Variants in ARID1B observed in about 807,000 individuals in gnomAD.
The protein encoded by ARID1B is AT-rich interactive domain-containing protein 1B.
A neutral mutation model predicts 212.3 loss-of-function variants in ARID1B; 30 were observed. The observed-to-expected ratio is 0.14, with a 90% CI of 0.11 to 0.19. The LOEUF (loss-of-function observed/expected upper bound fraction) is 0.19. Ranked by LOEUF, ARID1B falls within the 10% of genes least tolerant of loss-of-function variation. The pLI is 1.00. For synonymous variants in ARID1B, 1,402 were observed against 1,301.7 expected, an observed-to-expected ratio of 1.08 and a Z score of -1.66; for missense variants, 2,891 against 3,204.0, an observed-to-expected ratio of 0.90 and a Z score of 2.36.
At chr6:157,079,966 G>C (rs1012605410) in intron 4 of ARID1B, among the ~76,000 whole-genome samples, 3 of 152,184 alleles carry the variant, frequency 2.0e-5, no homozygotes, top group African/African-American at 7.2e-5. Flanking sequence ...GAAGACCACT[G>C]AACTGGCGTT....
chr6:157,204,489 G>GGA (rs1794315725), intron 19 of ARID1B: 1 of 152,982 alleles, frequency 6.5e-6, no homozygotes, highest in Non-Finnish European at 1.5e-5. Context: ...ATATATAGAA[G>GGA]GAGAGAGAGC....
intron 2 of ARID1B, among the ~76,000 whole-genome samples, chr6:156,876,737 G>A (rs1472671126): frequency 6.6e-6 from 1 of 152,158 alleles, no homozygotes; most frequent in East Asian, 1.9e-4. Flanking sequence ...TCACTGGCGT[G>A]GGCAGTTGCT....
intron 2 of ARID1B, among the ~76,000 whole-genome samples, chr6:156,898,026 A>G (rs1788625354): frequency 6.6e-6 from 1 of 152,140 alleles, no homozygotes; most frequent in Non-Finnish European, 1.5e-5. Context: ...GTGTTTCACT[A>G]CATAACTAAA....
intron 4 of ARID1B, among the ~76,000 whole-genome samples, chr6:156,976,068 G>A (rs549077608): frequency 6.6e-5 from 10 of 152,164 alleles, no homozygotes; most frequent in South Asian, 2.1e-4. Flanking sequence ...GTACATAAGC[G>A]CAAGGGCTGG....
chr6:156,967,608 C>G (rs1353634850), intron 4 of ARID1B, among the ~76,000 whole-genome samples: 3 of 151,986 alleles, frequency 2.0e-5, no homozygotes, highest in Non-Finnish European at 4.4e-5. Context: ...ATTAATTTGC[C>G]CTATATATTC....
intron 4 of ARID1B, among the ~76,000 whole-genome samples, chr6:157,050,867 T>G (rs142316230): frequency 1.3e-3 from 203 of 152,324 alleles, no homozygotes; most frequent in African/African-American, 4.8e-3. Context: ...TGTTACACAT[T>G]AAATATTTCC....
chr6:156,959,717 A>AAT (rs749540377), intron 4 of ARID1B, among the ~76,000 whole-genome samples: 2 of 152,016 alleles, frequency 1.3e-5, no homozygotes, highest in African/African-American at 4.8e-5. Context: ...GTCCTTTTTA[A>AAT]ATATATGACC....
chr6:157,030,136 C>G (rs1468715748), intron 4 of ARID1B, among the ~76,000 whole-genome samples: 2 of 152,142 alleles, frequency 1.3e-5, no homozygotes, highest in African/African-American at 2.4e-5. Context: ...TGGGCTTGTT[C>G]CTTCTACTTC....
intron 4 of ARID1B, chr6:156,942,900 ACT>A (rs1792785660): frequency 6.6e-6 from 1 of 152,196 alleles, no homozygotes; most frequent in South Asian, 2.1e-4. Context: ...TTCGCAGGTA[ACT>A]CTGAAGGCAC....
At position 157,148,514 on chromosome 6, in the gene ARID1B, G is replaced by T. The variant is rs574599353; in HGVS notation, c.2762-110G>T. ...GCAGCAACAGGAAGGGCCTATAACG[G>T]TCATGACTAATACTCCGTGCTGATC... is the stretch of plus-strand genomic sequence containing the variant. On this transcript the variant is annotated intron_variant, in intron 7 of 19. Coordinates refer to ENST00000636930, the MANE Select transcript of ARID1B (RefSeq NM_001374828.1). The surrounding 1 kb of genome is among the most constrained non-coding windows in gnomAD (Gnocchi z 5.6). The T allele has an allele frequency of 3.1e-5, 39 of 1,239,064 alleles. No homozygotes were observed. The highest frequency in any genetic ancestry group is 2.8e-4 in the Middle Eastern group (1 of 3,574). The allele number at this position is 1,239,064 out of a possible 1,614,324, so 76.8% of individuals were successfully genotyped here.
At chr6:157,147,725 C>T (rs1789882293) in intron 7 of ARID1B, among the ~76,000 whole-genome samples, 1 of 108,630 alleles carries the variant, frequency 9.2e-6, no homozygotes, top group African/African-American at 4.3e-5. Context: ...CCCTGCCCTC[C>T]GTCCCTCACC....
intron 4 of ARID1B, among the ~76,000 whole-genome samples, chr6:156,992,727 G>A (rs1356677341): frequency 6.6e-6 from 1 of 152,162 alleles, no homozygotes; most frequent in African/African-American, 2.4e-5. Context: ...ACTGGGCCTT[G>A]GAAGACTGCC....
At chr6:156,863,316 C>A (rs1472522529) in intron 2 of ARID1B, among the ~76,000 whole-genome samples, 1 of 151,970 alleles carries the variant, frequency 6.6e-6, no homozygotes, top group African/African-American at 2.4e-5. Flanking sequence ...ACTAACGAGG[C>A]AGGACAGGGA....
intron 3 of ARID1B, among the ~76,000 whole-genome samples, chr6:156,912,415 C>G (rs1285535095): frequency 6.6e-6 from 1 of 152,118 alleles, no homozygotes; most frequent in Non-Finnish European, 1.5e-5. Flanking sequence ...CCTATTTATG[C>G]AAGCCTGATG....
intron 13 of ARID1B, among the ~76,000 whole-genome samples, chr6:157,187,440 G>T: frequency 6.6e-6 from 1 of 152,184 alleles, no homozygotes; most frequent in Non-Finnish European, 1.5e-5. Context: ...TATAAACAGA[G>T]GTGCCCTCTG....
At chr6:156,837,629 G>A (rs750921392) in intron 2 of ARID1B, among the ~76,000 whole-genome samples, 14 of 152,120 alleles carry the variant, frequency 9.2e-5, no homozygotes, top group Non-Finnish European at 1.8e-4. Context: ...ATTTATTAAA[G>A]CTATTTGCCC....
At chr6:157,143,975 G>A (rs747372664) in intron 7 of ARID1B, among the ~76,000 whole-genome samples, 9 of 152,218 alleles carry the variant, frequency 5.9e-5, no homozygotes, top group Admixed American at 3.3e-4. Context: ...GCACACACGC[G>A]TGTCTTGGTG....
At chr6:156,879,343 T>C (rs1220194887) in intron 2 of ARID1B, among the ~76,000 whole-genome samples, 5 of 152,258 alleles carry the variant, frequency 3.3e-5, no homozygotes, top group Non-Finnish European at 7.3e-5. Context: ...ATCACTCAGC[T>C]GTGGAGTACA....
rs1225719231 is a variant in ARID1B at position 156,778,773 on chromosome 6, C to T, written c.1093C>T (p.Pro365Ser). The change falls in exon 1 of 20, where the codon CCC (proline) becomes TCC (serine). Residue 365 changes from proline (P) to serine (S), a missense_variant. Pro to Ser is a moderately conservative substitution (Grantham distance 74). Coordinates refer to ENST00000636930, the MANE Select transcript of ARID1B (RefSeq NM_001374828.1). ...AAAGAPGSMD[P>S]LQNSHEGYPN... The stretch of plus-strand genomic sequence containing the variant: ...CGCCGGGGCCCCCGGCAGCATGGAC[C>T]CCCTGCAGAACTCCCACGAAGGGTA... The T allele has an allele frequency of 1.2e-5, 18 of 1,517,324 alleles. No homozygotes were observed. Among genetic ancestry groups the T allele is most frequent in the Non-Finnish European group, 1.6e-5 (18 of 1,130,748 alleles). The allele number at this position is 1,517,324 out of a possible 1,614,324, so 94.0% of individuals were successfully genotyped here. A position where few individuals can be genotyped will look rare whatever the true frequency, so the allele number is the denominator to read the frequency against.
Sources: allele counts gnomAD v4.1 joint callset (sites outside exome capture counted in the v4.1 genomes callset), GRCh38; gene constraint gnomAD v4.1.1; non-coding constraint Gnocchi (gnomAD v3.1); transcripts MANE v1.5; gene names NCBI Gene and HGNC (gene_info 2026-07-23, HGNC 2026-07-21).